FBXO6: variants seen among roughly 807,000 people sequenced by gnomAD.
FBXO6 encodes the protein F-box only protein 6.
FBXO6 carries 13 observed loss-of-function variants against 25.0 expected under a neutral mutation model. That is an observed-to-expected ratio of 0.52 (90% CI 0.34 to 0.83). The LOEUF (loss-of-function observed/expected upper bound fraction) is 0.83, where lower values mean the gene tolerates loss of function less well. Among genes scored for constraint, FBXO6 ranks in the 40% least tolerant of loss-of-function variants. FBXO6 has a pLI of 0.02. For missense variants in FBXO6, 370 were observed against 380.2 expected (o/e 0.97, Z 0.22); for synonymous variants, 138 against 155.3 (o/e 0.89, Z 0.83).
chr1:11,669,762 A>ACAC (rs539063208), intron 2 of FBXO6, among the ~76,000 whole-genome samples: 3 of 142,514 alleles, frequency 2.1e-5, no homozygotes, highest in Admixed American at 1.4e-4. Flanking sequence ...ACACACACAC[A>ACAC]AGTAGTTGGG....
intron 1 of FBXO6, among the ~76,000 whole-genome samples, chr1:11,664,898 G>C (rs1198440951): frequency 2.6e-5 from 4 of 152,192 alleles, no homozygotes; most frequent in Admixed American, 2.6e-4. Context: ...GGGGGGGGAA[G>C]GGGCGCAAGA....
intron 2 of FBXO6, 66 bp from the exon 3 acceptor site, chr1:11,671,197 GGAC>G: frequency 6.3e-7 from 1 of 1,581,116 alleles, no homozygotes; most frequent in Non-Finnish European, 8.6e-7. Flanking sequence ...CGCCCTCCTG[GGAC>G]TAAGTGGGGA....
At position 11,673,964 on chromosome 1, in the gene FBXO6, C is replaced by A; in HGVS notation, c.*113C>A. On this transcript the variant is annotated 3_prime_UTR_variant, in exon 6 of 6. Transcript: ENST00000376753. The surrounding 1 kb of genome is among the most constrained non-coding windows in gnomAD (Gnocchi z 4.3). ...GACTCCTGCCCCGGTTCAACCCTAC[C>A]AGCTTGTGGTAACTTACTGTCACAT... The A allele has an allele frequency of 1.1e-6, 1 of 882,292 alleles. No individual in the cohort carries two copies. Among genetic ancestry groups the A allele is most frequent in the Non-Finnish European group, 1.8e-6 (1 of 544,166 alleles). 54.7% of individuals were successfully genotyped at this position (882,292 alleles called of 1,614,324 possible). A position where few individuals can be genotyped will look rare whatever the true frequency, so the allele number is the denominator to read the frequency against.
rs933725038 is a variant in FBXO6 at position 11,673,129 on chromosome 1, G to T, written c.510-148G>T. Reference sequence around the variant, plus strand: ...CCCGGGCCACAGTGGGGCATAGGGAGCGCTGAAGCCAGCTGGGCCTTGCAG... The same window carrying T: ...CCCGGGCCACAGTGGGGCATAGGGATCGCTGAAGCCAGCTGGGCCTTGCAG... On this transcript the variant is annotated intron_variant, in intron 4 of 5. Coordinates refer to ENST00000376753, the MANE Select transcript of FBXO6 (RefSeq NM_018438.6). The surrounding 1 kb of genome is among the most constrained non-coding windows in gnomAD (Gnocchi z 4.3). 1.1e-6 allele frequency: 1 copy of T among 930,954 alleles called. No individual in the cohort carries two copies. The highest frequency in any genetic ancestry group is 1.6e-6 in the Non-Finnish European group (1 of 643,934). The allele number at this position is 930,954 out of a possible 1,614,324, so 57.7% of individuals were successfully genotyped here. A position where few individuals can be genotyped will look rare whatever the true frequency, so the allele number is the denominator to read the frequency against.
chr1:11,666,858 C>G (rs1372270697), intron 1 of FBXO6, among the ~76,000 whole-genome samples: 1 of 152,082 alleles, frequency 6.6e-6, no homozygotes, highest in African/African-American at 2.4e-5. Context: ...GAAGAGGCCA[C>G]AGCAAAAGGC....
chr1:11,672,247 G>A (rs1381387798), intron 4 of FBXO6, among the ~76,000 whole-genome samples: 3 of 152,206 alleles, frequency 2.0e-5, no homozygotes, highest in Non-Finnish European at 2.9e-5. Context: ...CCAGTGTGCA[G>A]GTGAGGAGGC....
chr1:11,669,735 CAT>C (rs1259680505), intron 2 of FBXO6, among the ~76,000 whole-genome samples: 5 of 117,470 alleles, frequency 4.3e-5, no homozygotes, highest in African/African-American at 1.5e-4. Flanking sequence ...TATACATATA[CAT>C]ACACACACAC....
chr1:11,664,887 G>T (rs866731924), intron 1 of FBXO6, among the ~76,000 whole-genome samples: 3 of 151,314 alleles, frequency 2.0e-5, no homozygotes, highest in Non-Finnish European at 4.4e-5. Flanking sequence ...GCCCAGGGCC[G>T]GGGGGGGGAA....
rs546495045 is a variant in FBXO6 at position 11,668,722 on chromosome 1, C to T, written c.64C>T (p.Leu22=). ...TAACGAGCTGCCCGAGAACATCCTG[C>T]TGGAGCTGTTCACGCACGTGCCCGC... is the stretch of plus-strand genomic sequence containing the variant. ...SINELPENIL[L]ELFTHVPARQ... is the part of the protein sequence containing the mutation. The change falls in exon 2 of 6, where the codon CTG becomes TTG. Residue 22 remains leucine (L), a synonymous_variant. Coordinates refer to ENST00000376753, the MANE Select transcript of FBXO6 (RefSeq NM_018438.6). The T allele has an allele frequency of 1.3e-5, 21 of 1,614,004 alleles. No homozygotes were observed. The highest frequency in any genetic ancestry group is 1.7e-5 in the Non-Finnish European group (20 of 1,180,042).
Position 11,673,836 on chromosome 1 carries a change from T to C in FBXO6, c.867T>C (p.Val289=). Reference sequence around the variant, plus strand: ...CTGCCCAATCGCCCTACCGAGCTGTTGTCCAGATTTTCTGACAGCTGTCCA... The same window carrying C: ...CTGCCCAATCGCCCTACCGAGCTGTCGTCCAGATTTTCTGACAGCTGTCCA... ...EEAAQSPYRA[V]VQIF is the part of the protein sequence containing the mutation. The change falls in exon 6 of 6, where the codon GTT becomes GTC. Residue 289 remains valine, a synonymous_variant. Transcript: ENST00000376753. The surrounding 1 kb of genome is among the most constrained non-coding windows in gnomAD (Gnocchi z 4.3). 1 of 1,614,058 alleles carries C rather than the reference T, an allele frequency of 6.2e-7. No homozygotes were observed. Among genetic ancestry groups the C allele is most frequent in the East Asian group, 2.2e-5 (1 of 44,876 alleles).
rs541103021 is a variant in FBXO6 at position 11,665,215 on chromosome 1, C to CTTTTTTT, written c.-4+981_-4+987dup. On this transcript the variant is annotated intron_variant, in intron 1 of 5. Transcript: ENST00000376753. ...ACGGGCCACCAGGCCTAGCTAATTTCTTTTTTTTTTTTTTTTTTTTTTTTT... is the reference window on the plus strand; with the variant it reads ...ACGGGCCACCAGGCCTAGCTAATTTCTTTTTTTTTTTTTTTTTTTTTTTTTTTTTTTT... Among the ~76,000 whole-genome samples the CTTTTTTT allele has an allele frequency of 1.6e-4, 10 of 61,588 alleles. 2 individuals are homozygous for CTTTTTTT. Among genetic ancestry groups the CTTTTTTT allele is most frequent in the East Asian group, 1.0e-3 (2 of 2,004 alleles). 40.4% of individuals were successfully genotyped at this position (61,588 alleles called of 152,430 possible).
chr1:11,674,077 G>T lies in FBXO6; in HGVS notation c.*226G>T. On this transcript the variant is annotated 3_prime_UTR_variant, in exon 6 of 6. Transcript: ENST00000376753. The surrounding 1 kb of genome is among the most constrained non-coding windows in gnomAD (Gnocchi z 6.1). Reference sequence around the variant, plus strand: ...CCCAGCACTTTGGGAGACCGAGGCAGGTGGATCACGAGGTCAGGAGATAGA... The same window carrying T: ...CCCAGCACTTTGGGAGACCGAGGCATGTGGATCACGAGGTCAGGAGATAGA... The T allele has an allele frequency of 2.0e-6, 1 of 498,924 alleles. No individual in the cohort carries two copies. The highest frequency in any genetic ancestry group is 3.7e-6 in the Non-Finnish European group (1 of 272,150). The allele number at this position is 498,924 out of a possible 1,614,324, so 30.9% of individuals were successfully genotyped here.
At position 11,671,932 on chromosome 1, in the gene FBXO6, T is replaced by A. The variant is rs1329550522; in HGVS notation, c.418T>A (p.Cys140Ser). 1 of 1,614,042 alleles carries A rather than the reference T, an allele frequency of 6.2e-7. No individual in the cohort carries two copies. The highest frequency in any genetic ancestry group is 1.1e-5 in the South Asian group (1 of 91,086). ...GCCCCCAACTCTGCTCCCCAGAATG[T>A]GCCTCAAGTCCCAGCTGGTGGACCT... is the stretch of plus-strand genomic sequence containing the variant. ...KKYFVTSYEM[C>S]LKSQLVDLVA... Residue 140 changes from cysteine (C) to serine (S), a missense_variant, in exon 4 of 6, where the codon TGC (cysteine) becomes AGC (serine). Transcript: ENST00000376753.
intron 2 of FBXO6, among the ~76,000 whole-genome samples, chr1:11,669,213 C>A (rs1318219694): frequency 1.3e-5 from 2 of 152,330 alleles, no homozygotes; most frequent in East Asian, 1.9e-4. Flanking sequence ...CGCCTGTAAT[C>A]CCGGCACTTT....
intron 1 of FBXO6, among the ~76,000 whole-genome samples, chr1:11,666,003 A>ATT (rs61697438): frequency 9.5e-4 from 116 of 121,744 alleles, no homozygotes; most frequent in African/African-American, 1.9e-3. Context: ...TTTTTTTGTT[A>ATT]TTTTTTTTTT....
rs201441769 is a variant in FBXO6 at position 11,671,914 on chromosome 1, A to G, written c.414-14A>G. ...GCACACCCAGGTATGCAAGCCCCCA[A>G]CTCTGCTCCCCAGAATGTGCCTCAA... On this transcript the variant is annotated splice_polypyrimidine_tract_variant and intron_variant, in intron 3 of 5. Transcript: ENST00000376753. The G allele has an allele frequency of 2.5e-6, 4 of 1,612,712 alleles. No individual in the cohort carries two copies. The highest frequency in any genetic ancestry group is 1.7e-6 in the Non-Finnish European group (2 of 1,178,794).
At chr1:11,665,174 A>G (rs1640377451) in intron 1 of FBXO6, among the ~76,000 whole-genome samples, 1 of 143,130 alleles carries the variant, frequency 7.0e-6, no homozygotes, top group Non-Finnish European at 1.5e-5. Context: ...CCTCCTGCAT[A>G]GCTGGGACTA....
intron 2 of FBXO6, among the ~76,000 whole-genome samples, chr1:11,669,936 G>GC (rs1334016698): frequency 1.4e-5 from 2 of 142,060 alleles, no homozygotes; most frequent in African/African-American, 2.6e-5. Context: ...CACACCGCCG[G>GC]GGGCGGTGGC....
chr1:11,668,803 G>T lies in FBXO6; in HGVS notation c.145G>T (p.Asp49Tyr), dbSNP rs764817566. The change falls in exon 2 of 6, where the codon GAC becomes TAC. Residue 49 changes from aspartate (D) to tyrosine (Y), a missense_variant. Coordinates refer to ENST00000376753, the MANE Select transcript of FBXO6 (RefSeq NM_018438.6). ...LVCSLWRDLIDLMTLWKRKCL... is the reference protein window; with the variant it reads ...LVCSLWRDLIYLMTLWKRKCL... Reference sequence around the variant, plus strand: ...CTGCAGCCTCTGGCGGGACCTCATCGACCTCATGACCCTCTGGAAACGCAA... The same window carrying T: ...CTGCAGCCTCTGGCGGGACCTCATCTACCTCATGACCCTCTGGAAACGCAA... 3 of 1,614,050 alleles carry T rather than the reference G, an allele frequency of 1.9e-6. No individual in the cohort carries two copies. The Admixed American group carries it at 5.0e-5, about 27-fold the overall frequency.
Sources: allele counts gnomAD v4.1 joint callset (sites outside exome capture counted in the v4.1 genomes callset), GRCh38; gene constraint gnomAD v4.1.1; non-coding constraint Gnocchi (gnomAD v3.1); transcripts MANE v1.5; gene names NCBI Gene and HGNC (gene_info 2026-07-23, HGNC 2026-07-21).